The following KIF2C variants were observed in gnomAD, a reference collection of about 807,000 sequenced individuals.
KIF2C encodes the protein kinesin family member 2C, also known as kinesin-like protein KIF2C.
KIF2C carries 34 observed loss-of-function variants against 97.4 expected under a neutral mutation model. The ratio of observed to expected loss-of-function variants is 0.35; its 90% CI spans 0.27 to 0.46. KIF2C has a LOEUF of 0.46. Ranked by LOEUF, KIF2C falls within the 20% of genes least tolerant of loss-of-function variation. The pLI is 1.00. For missense variants in KIF2C, 750 were observed against 907.6 expected, an observed-to-expected ratio of 0.83 and a Z score of 2.23; for synonymous variants, 313 against 318.2, an observed-to-expected ratio of 0.98 and a Z score of 0.17.
intron 2 of KIF2C, among the ~76,000 whole-genome samples, chr1:44,743,543 C>T (rs1348709483): frequency 6.6e-6 from 1 of 152,184 alleles, no homozygotes; most frequent in Non-Finnish European, 1.5e-5. Flanking sequence ...AATCTCAGCA[C>T]TTTGGGAGGC....
At chr1:44,762,499 G>A (rs1375854491) in intron 18 of KIF2C, 46 bp from the exon 19 acceptor site, 1 of 1,610,162 alleles carries the variant, frequency 6.2e-7, no homozygotes, top group Admixed American at 1.7e-5. Context: ...GGCCTGCTGA[G>A]GCGGCACCTG....
At chr1:44,745,294 A>G (rs1649126515) in intron 2 of KIF2C, among the ~76,000 whole-genome samples, 1 of 151,214 alleles carries the variant, frequency 6.6e-6, no homozygotes, top group African/African-American at 2.4e-5. Flanking sequence ...CTGTCCCAGA[A>G]GTGTGGATAG....
intron 5 of KIF2C, among the ~76,000 whole-genome samples, 193 bp downstream of exon 5, chr1:44,750,757 A>C (rs1649468383): frequency 6.6e-6 from 1 of 152,216 alleles, no homozygotes; most frequent in African/African-American, 2.4e-5. Flanking sequence ...CATTACACAC[A>C]CATAAACACA....
intron 16 of KIF2C, among the ~76,000 whole-genome samples, chr1:44,761,335 G>A (rs933197601): frequency 6.6e-6 from 1 of 152,172 alleles, no homozygotes; most frequent in African/African-American, 2.4e-5. Context: ...GCTGGGCGCG[G>A]TGGCTCACGC....
At chr1:44,765,461 TAAAAAA>T (rs1000479307) in intron 19 of KIF2C, among the ~76,000 whole-genome samples, 1 of 139,472 alleles carries the variant, frequency 7.2e-6, no homozygotes, top group Admixed American at 7.0e-5. Context: ...AGTATAATAA[TAAAAAA>T]AGAAAGAAAG....
At chr1:44,756,452 C>G (rs574909838) in intron 10 of KIF2C, among the ~76,000 whole-genome samples, 1 of 151,786 alleles carries the variant, frequency 6.6e-6, no homozygotes, top group Non-Finnish European at 1.5e-5. Flanking sequence ...GCAGGGCTGG[C>G]CAGGCTCCAG....
At chr1:44,740,820 C>T (rs924891722) in intron 1 of KIF2C, 93 bp from the exon 2 acceptor site, 11 of 409,858 alleles carry the variant, frequency 2.7e-5, no homozygotes, top group South Asian at 3.6e-5. Context: ...CCTGTTCCTT[C>T]AGGTTAACTC....
At position 44,756,163 on chromosome 1, in the gene KIF2C, A is replaced by G. The variant is rs756259057; in HGVS notation, c.903A>G (p.Thr301=). 4 of 1,614,238 alleles carry G rather than the reference A, an allele frequency of 2.5e-6. No individual in the cohort carries two copies. In the Admixed American group the frequency reaches 6.7e-5, roughly 27 times the overall value. The change falls in exon 10 of 21, where the codon ACA becomes ACG. Residue 301 remains threonine, a synonymous_variant. Transcript: ENST00000372224. The part of the protein sequence containing the change: ...VHEPKLKVDL[T]KYLENQAFCF... ...AACCCAAGTTGAAAGTGGACTTAAC[A>G]AAGTATCTGGAGAACCAAGCATTCT...
At position 44,747,482 on chromosome 1, in the gene KIF2C, C is replaced by A. The variant is rs1290255363; in HGVS notation, c.264C>A (p.Ile88=). The change falls in exon 3 of 21, where the codon ATC becomes ATA. Residue 88 remains isoleucine, a synonymous_variant. Transcript: ENST00000372224. ...TGCCCTTGCAGGAAAATGTAACAATCCAGGTAGGTGCCTGTCATCTGGCTG... is the reference window on the plus strand; with the variant it reads ...TGCCCTTGCAGGAAAATGTAACAATACAGGTAGGTGCCTGTCATCTGGCTG... The part of the protein sequence containing the change: ...DNLPLQENVT[I]QKQKRRSVNS... The A allele has an allele frequency of 2.5e-6, 4 of 1,606,856 alleles. No individual in the cohort carries two copies. The highest frequency in any genetic ancestry group is 3.4e-6 in the Non-Finnish European group (4 of 1,177,830).
intron 18 of KIF2C, 30 bp from the exon 19 acceptor site, chr1:44,762,515 C>A: frequency 6.2e-7 from 1 of 1,610,226 alleles, no homozygotes; most frequent in Non-Finnish European, 8.5e-7. Context: ...ACCTGGGTCA[C>A]ATAATTGTCT....
intron 2 of KIF2C, among the ~76,000 whole-genome samples, chr1:44,746,961 A>G (rs1557590174): frequency 1.3e-5 from 2 of 151,212 alleles, no homozygotes; most frequent in Admixed American, 1.3e-4. Flanking sequence ...GCAGTGGCTC[A>G]ATCTCAGCTC....
At chr1:44,745,357 CCT>C (rs1491330447) in intron 2 of KIF2C, among the ~76,000 whole-genome samples, 2 of 145,866 alleles carry the variant, frequency 1.4e-5, no homozygotes, top group African/African-American at 2.6e-5. Flanking sequence ...ATTCTATCCT[CCT>C]TTTTTTTTTT....
At position 44,767,313 on chromosome 1, in the gene KIF2C, C is replaced by A; in HGVS notation, c.*134C>A. 1 of 693,864 alleles carries A rather than the reference C, an allele frequency of 1.4e-6. No individual in the cohort carries two copies. Among genetic ancestry groups the A allele is most frequent in the Admixed American group, 2.5e-5 (1 of 39,996 alleles). The allele number at this position is 693,864 out of a possible 1,614,324, so 43.0% of individuals were successfully genotyped here. On this transcript the variant is annotated 3_prime_UTR_variant, in exon 21 of 21. Coordinates refer to ENST00000372224, the MANE Select transcript of KIF2C (RefSeq NM_006845.4). Reference sequence around the variant, plus strand: ...TTCTGGTAAATGCCAAGTATGGGGGCATCTGGGCCCAGGGCAGCTGGGGAG... The same window carrying A: ...TTCTGGTAAATGCCAAGTATGGGGGAATCTGGGCCCAGGGCAGCTGGGGAG...
intron 4 of KIF2C, among the ~76,000 whole-genome samples, chr1:44,748,615 A>T (rs1346593125): frequency 8.6e-5 from 13 of 151,946 alleles, no homozygotes; most frequent in Non-Finnish European, 1.6e-4. Flanking sequence ...ATCGTAGCTC[A>T]CTGTAGCCTT....
chr1:44,752,365 A>G (rs1042557639), intron 5 of KIF2C, among the ~76,000 whole-genome samples: 1 of 151,346 alleles, frequency 6.6e-6, no homozygotes, highest in Non-Finnish European at 1.5e-5. Flanking sequence ...CGATCTCCTG[A>G]CTTCGTGATC....
intron 2 of KIF2C, among the ~76,000 whole-genome samples, chr1:44,741,451 T>C (rs1648932455): frequency 2.6e-5 from 4 of 150,950 alleles, no homozygotes; most frequent in Admixed American, 2.6e-4. Flanking sequence ...TTGAGAGGCC[T>C]GGTCTGGAGG....
At chr1:44,751,406 G>A (rs902188375) in intron 5 of KIF2C, among the ~76,000 whole-genome samples, 12 of 152,074 alleles carry the variant, frequency 7.9e-5, no homozygotes, top group Non-Finnish European at 1.5e-4. Context: ...ATGTTGGCCA[G>A]GCTGGTCTTG....
At chr1:44,749,905 C>T (rs1167331096) in intron 4 of KIF2C, among the ~76,000 whole-genome samples, 2 of 151,482 alleles carry the variant, frequency 1.3e-5, no homozygotes, top group African/African-American at 2.4e-5. Context: ...GGTGAAACCC[C>T]GTCTGTACTA....
chr1:44,759,401 T>TA, intron 14 of KIF2C, 53 bp downstream of exon 14: 3 of 1,604,240 alleles, frequency 1.9e-6, no homozygotes, highest in Non-Finnish European at 2.6e-6. Flanking sequence ...GGTTTATGAG[T>TA]AAAGTCTAGC....
Sources: allele counts gnomAD v4.1 joint callset (sites outside exome capture counted in the v4.1 genomes callset), GRCh38; gene constraint gnomAD v4.1.1; transcripts MANE v1.5; gene names NCBI Gene and HGNC (gene_info 2026-07-23, HGNC 2026-07-21).